RTN4: variants seen among roughly 807,000 people sequenced by gnomAD.
The protein encoded by RTN4 is reticulon-4.
In RTN4, 32 loss-of-function variants were observed where a neutral mutation model predicts 90.4. The observed-to-expected ratio is 0.35, with a 90% CI of 0.27 to 0.48. The LOEUF is 0.48. Ranked by LOEUF, RTN4 falls within the 20% of genes least tolerant of loss-of-function variation. RTN4 has a pLI of 0.99. For missense variants in RTN4, 1,706 were observed against 1,430.2 expected (o/e 1.19, Z -3.11); for synonymous variants, 629 against 552.5 (o/e 1.14, Z -1.94).
At chr2:55,135,434 T>C in the RTN4 span, among the ~76,000 whole-genome samples, 3 of 152,178 alleles carry the variant, frequency 2.0e-5, no homozygotes, top group African/African-American at 7.2e-5. Flanking sequence ...CTCAAACTCC[T>C]GGTCTCAAGT....
In RTN4 at chr2:54,987,615, C is replaced by G. The variant is rs199774793; in HGVS notation, c.3097G>C (p.Val1033Leu). The stretch of plus-strand genomic sequence containing the variant: ...GCTGTTACGCTCACAATGCTGAATA[C>G]TGTCAATGAAAGCAGCAGGAATAGG... ...ASLFLLLSLT[V>L]FSIVSVTAYI... Residue 1033 changes from valine (V) to leucine (L), a missense_variant, in exon 4 of 9, where the codon GTA (valine) becomes CTA (leucine). Transcript: ENST00000337526. 2 of 1,614,150 alleles carry G rather than the reference C, an allele frequency of 1.2e-6. No individual in the cohort carries two copies. The highest frequency in any genetic ancestry group is 1.7e-6 in the Non-Finnish European group (2 of 1,179,992).
chr2:55,134,175 G>A, the RTN4 span, among the ~76,000 whole-genome samples: 1 of 152,136 alleles, frequency 6.6e-6, no homozygotes, highest in Non-Finnish European at 1.5e-5. Context: ...AGTGTATAAC[G>A]AGCAGAGAGG....
Position 54,974,739 on chromosome 2 carries a change from G to T in RTN4, c.3386C>A (p.Thr1129Asn). The T allele has an allele frequency of 3.7e-6, 6 of 1,613,788 alleles. No homozygotes were observed. The highest frequency in any genetic ancestry group is 5.1e-6 in the Non-Finnish European group (6 of 1,179,762). The change falls in exon 6 of 9, where the codon ACC becomes AAC. Residue 1129 changes from threonine (T) to asparagine (N), a missense_variant. Transcript: ENST00000337526. The part of the protein sequence containing the change: ...LKFAVLMWVF[T>N]YVGALFNGLT... ...ACCATTAAACAAGGCACCAACATAG[G>T]TAAATACCCACATCAACACTGCAAA... is the stretch of plus-strand genomic sequence containing the variant.
intron 5 of RTN4, among the ~76,000 whole-genome samples, chr2:54,977,555 G>A (rs1677739215): frequency 6.6e-6 from 1 of 152,058 alleles, no homozygotes; most frequent in African/African-American, 2.4e-5. Context: ...CAGCTTTTTG[G>A]GATTTGAGGT....
chr2:55,017,511 T>C (rs1028829297), intron 3 of RTN4, among the ~76,000 whole-genome samples: 3 of 152,228 alleles, frequency 2.0e-5, no homozygotes, highest in African/African-American at 7.2e-5. Flanking sequence ...CGGTTTACAC[T>C]TCACTTACCA....
chr2:55,045,048 A>G (rs1317372747), intron 1 of RTN4, among the ~76,000 whole-genome samples: 2 of 152,156 alleles, frequency 1.3e-5, no homozygotes, highest in African/African-American at 2.4e-5. Flanking sequence ...TAATATTTAA[A>G]CCATATGTCA....
At chr2:55,073,781 G>T (rs1326194180) in intron 2 of RTN4, among the ~76,000 whole-genome samples, 1 of 152,162 alleles carries the variant, frequency 6.6e-6, no homozygotes, top group Non-Finnish European at 1.5e-5. Flanking sequence ...AAACTGAAAA[G>T]AACTTTAGAG....
chr2:55,114,151 G>C (rs1222865331), upstream of RTN4, among the ~76,000 whole-genome samples: 7 of 152,192 alleles, frequency 4.6e-5, no homozygotes, highest in Admixed American at 3.9e-4. Flanking sequence ...GGAATCGTCT[G>C]TCTTTACATT....
chr2:55,135,547 G>A, the RTN4 span, among the ~76,000 whole-genome samples: 1 of 152,184 alleles, frequency 6.6e-6, no homozygotes, highest in Non-Finnish European at 1.5e-5. Flanking sequence ...AATATATGGT[G>A]TTAAAACATT....
At chr2:55,039,827 A>C (rs1305972580) in intron 1 of RTN4, among the ~76,000 whole-genome samples, 2 of 152,154 alleles carry the variant, frequency 1.3e-5, no homozygotes, top group African/African-American at 4.8e-5. Flanking sequence ...CTTGATACTA[A>C]TTCTATTGTA....
chr2:55,055,905 A>ATG (rs1413464515), intron 2 of RTN4, among the ~76,000 whole-genome samples: 4 of 152,078 alleles, frequency 2.6e-5, no homozygotes, highest in African/African-American at 9.6e-5. Flanking sequence ...ATCTATAAAT[A>ATG]TGTGTATATA....
intron 3 of RTN4, among the ~76,000 whole-genome samples, chr2:54,991,224 T>C (rs1678990365): frequency 6.6e-6 from 1 of 152,212 alleles, no homozygotes; most frequent in African/African-American, 2.4e-5. Flanking sequence ...TTTACCATCA[T>C]TAAAAACTAC....
At chr2:55,027,718 ACAAAT>A (rs1246104719) in intron 2 of RTN4, among the ~76,000 whole-genome samples, 1 of 152,220 alleles carries the variant, frequency 6.6e-6, no homozygotes, top group East Asian at 1.9e-4. Context: ...CTGTGCAAAG[ACAAAT>A]CAAGTCTGAG....
At chr2:55,121,557 A>G in the RTN4 span, among the ~76,000 whole-genome samples, 2 of 152,248 alleles carry the variant, frequency 1.3e-5, no homozygotes, top group South Asian at 2.1e-4. Context: ...AAAGATAATT[A>G]TAATCATAGA....
chr2:55,071,625 C>T (rs1269570554), intron 2 of RTN4, among the ~76,000 whole-genome samples: 4 of 148,998 alleles, frequency 2.7e-5, no homozygotes, highest in African/African-American at 9.8e-5. Context: ...ATGAAAAATG[C>T]TGCAGGCGAT....
At position 55,027,460 on chromosome 2, in the gene RTN4, T is replaced by G; in HGVS notation, c.639A>C (p.Pro213=). 1 of 1,609,308 alleles carries G rather than the reference T, an allele frequency of 6.2e-7. No individual in the cohort carries two copies. Among genetic ancestry groups the G allele is most frequent in the South Asian group, 1.1e-5 (1 of 90,328 alleles). The change falls in exon 3 of 9, where the codon CCA becomes CCC. Residue 213 remains proline (P), a synonymous_variant. Transcript: ENST00000337526. Reference sequence around the variant, plus strand: ...CTTGACCAGCCGAAATAGTGTTACCTGGCTGCTCCTTCAAGTCCATATTTT... The same window carrying G: ...CTTGACCAGCCGAAATAGTGTTACCGGGCTGCTCCTTCAAGTCCATATTTT... ...SAENMDLKEQ[P]GNTISAGQED...
At chr2:54,988,180 G>A (rs1678721443) in intron 3 of RTN4, among the ~76,000 whole-genome samples, 2 of 152,178 alleles carry the variant, frequency 1.3e-5, no homozygotes, top group African/African-American at 4.8e-5. Flanking sequence ...AGTGAGGCAT[G>A]GTGGCGCATG....
chr2:54,980,871 C>A (rs889994845), intron 5 of RTN4, among the ~76,000 whole-genome samples: 1 of 152,160 alleles, frequency 6.6e-6, no homozygotes, highest in African/African-American at 2.4e-5. Context: ...AAGTCAGCTA[C>A]GTATAGAAGG....
chr2:55,050,328 C>A lies in RTN4; in HGVS notation c.-28G>T. The stretch of plus-strand genomic sequence containing the variant: ...CTGGAGGGTGGAGATGATGCTGCAG[C>A]TGCTGCCGCCGCCGCCGGGGCCGCG... On this transcript the variant is annotated 5_prime_UTR_variant, in exon 1 of 9. Coordinates refer to ENST00000337526, the MANE Select transcript of RTN4 (RefSeq NM_020532.5). The surrounding 1 kb of genome is among the most constrained non-coding windows in gnomAD (Gnocchi z 4.6). The A allele has an allele frequency of 4.4e-6, 6 of 1,357,506 alleles. No individual in the cohort carries two copies. The highest frequency in any genetic ancestry group is 5.7e-6 in the Non-Finnish European group (6 of 1,048,092). 84.1% of individuals were successfully genotyped at this position (1,357,506 alleles called of 1,614,324 possible). A position where few individuals can be genotyped will look rare whatever the true frequency, so the allele number is the denominator to read the frequency against.
Sources: gnomAD v4.1 joint callset for allele counts (sites outside exome capture counted in the v4.1 genomes callset) on GRCh38, gnomAD v4.1.1 for gene constraint, Gnocchi (gnomAD v3.1) non-coding constraint, MANE v1.5 for transcripts, NCBI Gene and HGNC (gene_info 2026-07-23, HGNC 2026-07-21) for gene names.